The following PLPP4 variants were observed in gnomAD, a reference collection of about 807,000 sequenced individuals.
PLPP4 encodes the protein phospholipid phosphatase 4.
PLPP4 carries 20 observed loss-of-function variants against 32.2 expected under a neutral mutation model. That is an observed-to-expected ratio of 0.62 (90% CI 0.44 to 0.90). PLPP4 has a LOEUF of 0.90. Among genes scored for constraint, PLPP4 ranks in the 40% least tolerant of loss-of-function variants. The pLI, the probability that PLPP4 is intolerant of heterozygous loss-of-function variation, is 0.00. For synonymous variants in PLPP4, 127 were observed against 133.0 expected, an observed-to-expected ratio of 0.95 and a Z score of 0.31; for missense variants, 257 against 353.1, an observed-to-expected ratio of 0.73 and a Z score of 2.18.
At chr10:120,480,463 G>A (rs1319316561) in intron 1 of PLPP4, among the ~76,000 whole-genome samples, 2 of 152,174 alleles carry the variant, frequency 1.3e-5, no homozygotes. Flanking sequence ...AATGACAGAA[G>A]ACCGAGATGG....
intron 5 of PLPP4, among the ~76,000 whole-genome samples, chr10:120,563,689 A>G (rs1349801623): frequency 1.4e-5 from 2 of 145,122 alleles, no homozygotes; most frequent in African/African-American, 2.6e-5. Flanking sequence ...AGTCCCAGCT[A>G]CTCGGGAGGC....
At chr10:120,520,725 C>A (rs7082362) in intron 4 of PLPP4, among the ~76,000 whole-genome samples, 2 of 152,070 alleles carry the variant, frequency 1.3e-5, no homozygotes, top group East Asian at 1.9e-4. Flanking sequence ...GGGAGACCAA[C>A]TGACCTTCCC....
chr10:120,518,949 T>C (rs1846043783), intron 4 of PLPP4, 53 bp downstream of exon 4: 7 of 1,484,916 alleles, frequency 4.7e-6, no homozygotes, highest in Non-Finnish European at 6.5e-6. Flanking sequence ...GTCATCTATA[T>C]AGGAAGCTGG....
At chr10:120,542,214 C>T (rs554189875) in intron 5 of PLPP4, among the ~76,000 whole-genome samples, 3 of 152,292 alleles carry the variant, frequency 2.0e-5, no homozygotes, top group South Asian at 2.1e-4. Context: ...CAGAGGTCAC[C>T]GAGGCAGGAA....
chr10:120,539,466 C>A (rs1032938298), intron 5 of PLPP4, among the ~76,000 whole-genome samples: 6 of 152,246 alleles, frequency 3.9e-5, no homozygotes, highest in Admixed American at 1.3e-4. Context: ...GCTGGATTCC[C>A]TCTCTGCCTT....
At chr10:120,486,668 C>T (rs1844471431) in intron 1 of PLPP4, among the ~76,000 whole-genome samples, 1 of 152,216 alleles carries the variant, frequency 6.6e-6, no homozygotes, top group Non-Finnish European at 1.5e-5. Context: ...CAGTAAGGAA[C>T]ATCGACAGAC....
At position 120,535,733 on chromosome 10, in the gene PLPP4, T is replaced by C. The variant is rs182872056; in HGVS notation, c.445+14638T>C. 2.0e-5 allele frequency among the ~76,000 whole-genome samples: 3 copies of C among 152,294 alleles called. No homozygotes were observed. In the East Asian group the frequency reaches 5.8e-4, roughly 29 times the overall value. ...GTTTTTTATTTTATCTCTTCCTGTT[T>C]CATGATGTGACTTCATGTGGATGCA... On this transcript the variant is annotated intron_variant, in intron 5 of 6. Coordinates refer to ENST00000398250, the MANE Select transcript of PLPP4 (RefSeq NM_001030059.3).
intron 1 of PLPP4, among the ~76,000 whole-genome samples, chr10:120,467,129 A>T (rs1333360416): frequency 6.8e-6 from 1 of 146,298 alleles, no homozygotes; most frequent in African/African-American, 2.5e-5. Flanking sequence ...CCCAGGCTGG[A>T]CTGCAGTGGC....
At chr10:120,565,679 C>T (rs939095797) in intron 5 of PLPP4, among the ~76,000 whole-genome samples, 1 of 151,998 alleles carries the variant, frequency 6.6e-6, no homozygotes, top group African/African-American at 2.4e-5. Context: ...GTTTGGGATT[C>T]ATTGGGCTTT....
rs75970416 is a variant in PLPP4, at chr10:120,559,872, C to T, written c.446-15259C>T. Among the ~76,000 whole-genome samples, 1,280 of 152,244 alleles carry T rather than the reference C, an allele frequency of 8.4e-3. 23 individuals carry two copies. Among genetic ancestry groups the T allele is most frequent in the African/African-American group, 0.03 (1,227 of 41,526 alleles). The stretch of plus-strand genomic sequence containing the variant: ...AACATAGGTGGTACGTGGCATCATT[C>T]GCAGTCAATAAACTTGAAGCTGCAG... On this transcript the variant is annotated intron_variant, in intron 5 of 6. Transcript: ENST00000398250.
At chr10:120,528,175 C>G (rs891774006) in intron 5 of PLPP4, among the ~76,000 whole-genome samples, 1 of 146,998 alleles carries the variant, frequency 6.8e-6, no homozygotes, top group Non-Finnish European at 1.5e-5. Context: ...GCCGGGTTCA[C>G]GCCATTCTCC....
chr10:120,513,384 T>C (rs1247011941), intron 2 of PLPP4, among the ~76,000 whole-genome samples: 1 of 152,192 alleles, frequency 6.6e-6, no homozygotes, highest in East Asian at 1.9e-4. Flanking sequence ...GTTGAGCATC[T>C]ATGTGGAGGA....
At chr10:120,561,403 T>C (rs914039336) in intron 5 of PLPP4, among the ~76,000 whole-genome samples, 24 of 152,300 alleles carry the variant, frequency 1.6e-4, no homozygotes, top group African/African-American at 5.5e-4. Flanking sequence ...CAACATATCA[T>C]GACCCCTGCC....
At chr10:120,583,147 G>A (rs1242567446) in intron 6 of PLPP4, among the ~76,000 whole-genome samples, 2 of 151,922 alleles carry the variant, frequency 1.3e-5, no homozygotes, top group Non-Finnish European at 2.9e-5. Flanking sequence ...CTAGCTTAGT[G>A]ATGTTGGAGG....
intron 2 of PLPP4, among the ~76,000 whole-genome samples, chr10:120,513,551 G>A (rs1268119491): frequency 6.6e-6 from 1 of 152,236 alleles, no homozygotes; most frequent in African/African-American, 2.4e-5. Flanking sequence ...AGAGATAGGA[G>A]TTGGAGGCCA....
At chr10:120,549,312 AC>A (rs1271692354) in intron 5 of PLPP4, among the ~76,000 whole-genome samples, 1 of 151,106 alleles carries the variant, frequency 6.6e-6, no homozygotes, top group African/African-American at 2.4e-5. Flanking sequence ...TTCCTTGTAA[AC>A]CACTGCTAAC....
intron 6 of PLPP4, among the ~76,000 whole-genome samples, chr10:120,588,364 T>C (rs1408003253): frequency 6.6e-6 from 1 of 152,150 alleles, no homozygotes; most frequent in East Asian, 1.9e-4. Flanking sequence ...CCCCCCTGCC[T>C]CACCTGCTCC....
At chr10:120,514,051 G>C (rs748121013) in intron 3 of PLPP4, 50 bp downstream of exon 3, 9 of 1,326,692 alleles carry the variant, frequency 6.8e-6, no homozygotes, top group Non-Finnish European at 8.7e-6. Flanking sequence ...ACCTTAATTA[G>C]ATGATCACAT....
chr10:120,556,303 C>T (rs1848162647), intron 5 of PLPP4, among the ~76,000 whole-genome samples: 1 of 152,062 alleles, frequency 6.6e-6, no homozygotes. Flanking sequence ...TATTTTTTGT[C>T]TCTCTTAAAG....
Sources: allele counts gnomAD v4.1 joint callset (sites outside exome capture counted in the v4.1 genomes callset), GRCh38; gene constraint gnomAD v4.1.1; transcripts MANE v1.5; gene names NCBI Gene and HGNC (gene_info 2026-07-23, HGNC 2026-07-21).